TRPM6: variants seen among roughly 807,000 people sequenced by gnomAD.
TRPM6 encodes the protein transient receptor potential cation channel subfamily M member 6.
Under a neutral mutation model 247.6 loss-of-function variants are expected in TRPM6, and 111 were observed. The observed-to-expected ratio is 0.45, with a 90% CI of 0.38 to 0.52. The LOEUF is 0.52. Among genes scored for constraint, TRPM6 ranks in the 20% least tolerant of loss-of-function variants. The pLI, the probability that TRPM6 is intolerant of heterozygous loss-of-function variation, is 0.00. For missense variants in TRPM6, 2,126 were observed against 2,421.5 expected, an observed-to-expected ratio of 0.88 and a Z score of 2.56; for synonymous variants, 892 against 853.8, an observed-to-expected ratio of 1.04 and a Z score of -0.78.
Position 74,752,318 on chromosome 9 carries a change from A to T in TRPM6, c.4957T>A (p.Cys1653Ser). The T allele has an allele frequency of 6.2e-7, 1 of 1,601,914 alleles. No homozygotes were observed. Among genetic ancestry groups the T allele is most frequent in the South Asian group, 1.1e-5 (1 of 90,338 alleles). ...AGGTAATCACTGATTTGTATAGCAC[A>T]TTGTCCAATTTCTTTAGTTTTCATT... ...QKMKTKEIGQ[C>S]AIQISDYLKQ... The change falls in exon 29 of 39, where the codon TGT becomes AGT. Residue 1653 changes from cysteine (C) to serine (S), a missense_variant. Cys to Ser is a moderately radical substitution (Grantham distance 112, BLOSUM62 -1). This residue lies in a region of TRPM6 where 717 missense variants were observed against 715.9 expected (regional missense o/e 1.00). Coordinates refer to ENST00000360774, the MANE Select transcript of TRPM6 (RefSeq NM_017662.5).
At chr9:74,772,865 G>A (rs1163140159) in intron 24 of TRPM6, among the ~76,000 whole-genome samples, 1 of 152,098 alleles carries the variant, frequency 6.6e-6, no homozygotes, top group Non-Finnish European at 1.5e-5. Context: ...AAAATTGGGG[G>A]TTTCCTCTCT....
chr9:74,802,320 C>A, intron 15 of TRPM6, 145 bp from the exon 16 acceptor site: 1 of 786,260 alleles, frequency 1.3e-6, no homozygotes, highest in Non-Finnish European at 2.0e-6. Flanking sequence ...TACAAGCCAG[C>A]AAGCAAAATT....
chr9:74,863,424 A>G (rs1830748701), intron 1 of TRPM6, among the ~76,000 whole-genome samples: 1 of 152,168 alleles, frequency 6.6e-6, no homozygotes, highest in African/African-American at 2.4e-5. Context: ...TATGGCACTC[A>G]AAAAGTTTCA....
rs1323458739 is a variant in TRPM6 at position 74,762,499 on chromosome 9, G to C, written c.4172C>G (p.Thr1391Ser). 1 of 1,614,030 alleles carries C rather than the reference G, an allele frequency of 6.2e-7. No individual in the cohort carries two copies. Among genetic ancestry groups the C allele is most frequent in the Non-Finnish European group, 8.5e-7 (1 of 1,180,028 alleles). ...TEVLVHLTGQTPVVSDWASVD... is the reference protein window; with the variant it reads ...TEVLVHLTGQSPVVSDWASVD... ...TGATGCCCAGTCAGAGACAACTGGG[G>C]TCTGCCCAGTCAGATGAACAAGAAC... is the stretch of plus-strand genomic sequence containing the variant. Residue 1391 changes from threonine to serine, a missense_variant, in exon 26 of 39, where the codon ACC (threonine) becomes AGC (serine). Transcript: ENST00000360774.
Position 74,775,900 on chromosome 9 carries a change from T to C in TRPM6, c.3386A>G (p.Glu1129Gly). ...CCHRAPHDQE[E>G]GDVGLKLYLS... The stretch of plus-strand genomic sequence containing the variant: ...CAACTTACTTAATCCAACGTCACCC[T>C]CTTCTTGGTCGTGAGGAGCTCGATG... The change falls in exon 24 of 39, where the codon GAG (glutamate) becomes GGG (glycine). Residue 1129 changes from glutamate to glycine, a missense_variant. Physicochemically the swap from Glu to Gly is moderately conservative, Grantham distance 98. Around this residue, in one of 3 missense-constraint regions of TRPM6, gnomAD observed 717 missense variants for 715.9 expected, o/e 1.00. Transcript: ENST00000360774. The C allele has an allele frequency of 1.2e-6, 2 of 1,614,104 alleles. No individual in the cohort carries two copies. The highest frequency in any genetic ancestry group is 8.5e-7 in the Non-Finnish European group (1 of 1,180,026).
intron 15 of TRPM6, among the ~76,000 whole-genome samples, chr9:74,803,295 TACACAC>T (rs3056763): frequency 1.3e-5 from 2 of 149,424 alleles, no homozygotes; most frequent in Admixed American, 6.7e-5. Context: ...AACAATGTTG[TACACAC>T]ACACACACAC....
At chr9:74,795,031 A>C (rs951164331) in intron 18 of TRPM6, among the ~76,000 whole-genome samples, 5 of 152,116 alleles carry the variant, frequency 3.3e-5, no homozygotes, top group African/African-American at 4.8e-5. Flanking sequence ...CAACTTTCTT[A>C]GTATTATTTC....
At chr9:74,851,735 C>A (rs1225833089) in intron 3 of TRPM6, among the ~76,000 whole-genome samples, 1 of 143,526 alleles carries the variant, frequency 7.0e-6, no homozygotes, top group Non-Finnish European at 1.5e-5. Context: ...GGTGACAGAG[C>A]TAGACTTTGT....
At chr9:74,727,386 A>C in intron 38 of TRPM6, among the ~76,000 whole-genome samples, 1 of 149,936 alleles carries the variant, frequency 6.7e-6, no homozygotes, top group Non-Finnish European at 1.5e-5. Context: ...CGTCTCAAAA[A>C]AAAAAAAAAA....
intron 32 of TRPM6, 115 bp from the exon 33 acceptor site, chr9:74,742,741 T>C (rs1825904551): frequency 1.1e-6 from 1 of 920,212 alleles, no homozygotes; most frequent in African/African-American, 1.7e-5. Context: ...GACCTCTTAT[T>C]TTTGCCATTA....
chr9:74,779,788 C>G (rs1827353985), intron 23 of TRPM6, among the ~76,000 whole-genome samples: 1 of 152,178 alleles, frequency 6.6e-6, no homozygotes, highest in African/African-American at 2.4e-5. Context: ...GAGGGAATAG[C>G]AAGTGCAAAG....
chr9:74,742,422 G>C (rs1463638489), intron 33 of TRPM6, 139 bp downstream of exon 33: 12 of 796,608 alleles, frequency 1.5e-5, no homozygotes, highest in Non-Finnish European at 2.1e-5. Flanking sequence ...TTCCATTTTA[G>C]GAAATGAATC....
intron 29 of TRPM6, 110 bp from the exon 30 acceptor site, chr9:74,750,832 T>C: frequency 1.1e-6 from 1 of 949,516 alleles, no homozygotes; most frequent in Non-Finnish European, 1.7e-6. Flanking sequence ...TTTTTCTTCA[T>C]CTACCTGAAT....
intron 4 of TRPM6, among the ~76,000 whole-genome samples, chr9:74,840,854 G>GA (rs569549546): frequency 4.9e-5 from 7 of 142,684 alleles, no homozygotes; most frequent in Admixed American, 7.0e-5. Flanking sequence ...AAGAAAGAAA[G>GA]AAAAAAAAAG....
intron 12 of TRPM6, among the ~76,000 whole-genome samples, chr9:74,812,049 G>C (rs984001645): frequency 4.6e-5 from 7 of 152,144 alleles, no homozygotes; most frequent in African/African-American, 9.7e-5. Context: ...AGCCATTTTG[G>C]TGCCTTCATG....
intron 21 of TRPM6, among the ~76,000 whole-genome samples, chr9:74,783,174 T>C (rs768749714): frequency 7.2e-6 from 1 of 138,126 alleles, no homozygotes; most frequent in Non-Finnish European, 1.6e-5. Flanking sequence ...AGTTGGACCA[T>C]AGGTTAGGAA....
intron 3 of TRPM6, among the ~76,000 whole-genome samples, chr9:74,848,475 C>T (rs557524155): frequency 1.4e-4 from 21 of 152,216 alleles, no homozygotes; most frequent in African/African-American, 4.6e-4. Flanking sequence ...CTGAATGGCA[C>T]GCAATTTTAA....
chr9:74,795,262 C>A (rs370471334), intron 18 of TRPM6, among the ~76,000 whole-genome samples: 2 of 152,304 alleles, frequency 1.3e-5, no homozygotes, highest in African/African-American at 4.8e-5. Context: ...GCTAAACCAT[C>A]CTATGCCCTG....
At chr9:74,849,779 T>G (rs951479359) in intron 3 of TRPM6, among the ~76,000 whole-genome samples, 1 of 152,224 alleles carries the variant, frequency 6.6e-6, no homozygotes, top group Non-Finnish European at 1.5e-5. Flanking sequence ...GCAAAAGCAC[T>G]GGACCAGGAG....
Sources: allele counts gnomAD v4.1 joint callset (sites outside exome capture counted in the v4.1 genomes callset), GRCh38; gene constraint gnomAD v4.1.1; regional missense constraint gnomAD v4.1.1; transcripts MANE v1.5; gene names NCBI Gene and HGNC (gene_info 2026-07-23, HGNC 2026-07-21).